Variants in JPH2 observed in about 807,000 individuals in gnomAD.
The protein encoded by JPH2 is junctophilin 2.
Under a neutral mutation model 55.9 loss-of-function variants are expected in JPH2, and 38 were observed. The observed-to-expected ratio is 0.68, with a 90% CI of 0.52 to 0.89. The LOEUF (loss-of-function observed/expected upper bound fraction) is 0.89, where lower values mean the gene tolerates loss of function less well. Among genes scored for constraint, JPH2 ranks in the 40% least tolerant of loss-of-function variants. JPH2 has a pLI of 0.00. For missense variants in JPH2, 964 were observed against 1,037.6 expected (o/e 0.93, Z 0.97); for synonymous variants, 480 against 472.4 (o/e 1.02, Z -0.21).
Position 44,116,030 on chromosome 20 carries a change from G to T in JPH2, c.1645C>A (p.Gln549Lys). 1 of 1,577,796 alleles carries T rather than the reference G, an allele frequency of 6.3e-7. No individual in the cohort carries two copies. Among genetic ancestry groups the T allele is most frequent in the Admixed American group, 1.7e-5 (1 of 57,398 alleles). The change falls in exon 4 of 6, where the codon CAG becomes AAG. Residue 549 changes from glutamine to lysine, a missense_variant. By Grantham distance (53) the Gln-to-Lys change is moderately conservative. Transcript: ENST00000372980. ...ATERMAIEAL[Q>K]APPAPSREPE... ...TCCCGCGACGGCGCAGGCGGTGCCT[G>T]CAGAGCCTCGATGGCCATGCGCTCG...
In JPH2 at chr20:44,165,291, GA is replaced by G. The variant is rs34785471; in HGVS notation, c.380-4885del. Among the ~76,000 whole-genome samples the G allele has an allele frequency of 1.5e-3, 221 of 144,898 alleles. 1 individual carries two copies. Among genetic ancestry groups the G allele is most frequent in the African/African-American group, 5.1e-3 (201 of 39,500 alleles). On this transcript the variant is annotated intron_variant, in intron 1 of 5. Transcript: ENST00000372980. ...AATAAATTGTAAAGAAGCTTTTCAG[GA>G]AAAAAAAAAACAAAAAAAACAACCC...
intron 1 of JPH2, chr20:44,177,893 T>G: frequency 6.3e-7 from 1 of 1,591,762 alleles, no homozygotes; most frequent in East Asian, 2.2e-5. Flanking sequence ...GCATTTCCTA[T>G]GTGCCAGGCA....
At chr20:44,114,507 C>T (rs1423192114) in intron 5 of JPH2, among the ~76,000 whole-genome samples, 2 of 151,928 alleles carry the variant, frequency 1.3e-5, no homozygotes, top group Non-Finnish European at 2.9e-5. Context: ...GTGAATGAAG[C>T]CCTCAGTGCT....
intron 2 of JPH2, among the ~76,000 whole-genome samples, chr20:44,124,243 T>C (rs191008357): frequency 1.1e-4 from 16 of 152,168 alleles, no homozygotes; most frequent in African/African-American, 3.6e-4. Flanking sequence ...CCATAACTGC[T>C]TGGTTGTTTC....
Position 44,124,171 on chromosome 20 carries a change from G to A in JPH2, c.1170-5548C>T, listed in dbSNP as rs78704721. On this transcript the variant is annotated intron_variant, in intron 2 of 5. Coordinates refer to ENST00000372980, the MANE Select transcript of JPH2 (RefSeq NM_020433.5). ...ATAGGAGCAGGGCTCTCACCCAATA[G>A]AGCAACTTCTAAAAGCACCTGCCCC... 4.6e-4 allele frequency among the ~76,000 whole-genome samples: 70 copies of A among 152,224 alleles called. 1 individual carries two copies. The highest frequency in any genetic ancestry group is 1.7e-3 in the African/African-American group (70 of 41,544).
rs1392826320 is a variant in JPH2, at chr20:44,118,512, G to A, written c.1281C>T (p.Tyr427=). Residue 427 remains tyrosine (Y), a synonymous_variant, in exon 3 of 6, where the codon TAC becomes TAT. Coordinates refer to ENST00000372980, the MANE Select transcript of JPH2 (RefSeq NM_020433.5). ...TTCCCTGGCTGGCCCTACCTGGCTG[G>A]TAGAAGTCCGGAGCCAGCTCCCTGG... ...TLARELAPDF[Y]QPGPEYQKRR... 3.1e-6 allele frequency: 5 copies of A among 1,612,312 alleles called. No individual in the cohort carries two copies. The highest frequency in any genetic ancestry group is 1.7e-6 in the Non-Finnish European group (2 of 1,179,588).
At chr20:44,129,180 T>G (rs1230056055) in intron 2 of JPH2, among the ~76,000 whole-genome samples, 2 of 152,132 alleles carry the variant, frequency 1.3e-5, no homozygotes, top group Non-Finnish European at 2.9e-5. Context: ...TCCCCCAGCC[T>G]CCAGCTGGAG....
chr20:44,184,819 G>A (rs1422305576), intron 1 of JPH2, among the ~76,000 whole-genome samples: 2 of 152,158 alleles, frequency 1.3e-5, no homozygotes, highest in Admixed American at 6.5e-5. Flanking sequence ...AAGCTCAGGC[G>A]TCAGCTCCAT....
chr20:44,162,339 A>G (rs141437718), intron 1 of JPH2, among the ~76,000 whole-genome samples: 26 of 152,236 alleles, frequency 1.7e-4, no homozygotes, highest in Non-Finnish European at 2.6e-4. Context: ...TCTTTGCTCA[A>G]TGAGACCTAC....
chr20:44,144,737 C>T (rs553502023), intron 2 of JPH2, among the ~76,000 whole-genome samples: 1 of 152,246 alleles, frequency 6.6e-6, no homozygotes, highest in Non-Finnish European at 1.5e-5. Context: ...GACTGGTTTT[C>T]TCATCTGTGA....
chr20:44,128,893 A>G (rs909432209), intron 2 of JPH2, among the ~76,000 whole-genome samples: 3 of 152,150 alleles, frequency 2.0e-5, no homozygotes, highest in Non-Finnish European at 4.4e-5. Context: ...ACACAGCTGC[A>G]TGACTGTTGG....
At chr20:44,130,842 C>A (rs1182692582) in intron 2 of JPH2, among the ~76,000 whole-genome samples, 1 of 152,124 alleles carries the variant, frequency 6.6e-6, no homozygotes, top group Non-Finnish European at 1.5e-5. Flanking sequence ...GGGGGGCCTC[C>A]ATTTATAACA....
At chr20:44,130,405 T>G (rs1261694783) in intron 2 of JPH2, among the ~76,000 whole-genome samples, 1 of 152,266 alleles carries the variant, frequency 6.6e-6, no homozygotes, top group Non-Finnish European at 1.5e-5. Flanking sequence ...GGGGCTGGGT[T>G]ACCAGCATGT....
chr20:44,172,819 G>T (rs1291356661), intron 1 of JPH2, among the ~76,000 whole-genome samples: 26 of 152,036 alleles, frequency 1.7e-4, no homozygotes, highest in Admixed American at 1.7e-3. Flanking sequence ...GAGCTCTCAG[G>T]TTTCTATTGC....
chr20:44,136,497 C>T (rs1433884082), intron 2 of JPH2, among the ~76,000 whole-genome samples: 8 of 152,140 alleles, frequency 5.3e-5, no homozygotes, highest in Non-Finnish European at 1.0e-4. Context: ...TTGCTGCGCA[C>T]CTACTAGATG....
chr20:44,113,957 T>C (rs2072166381), intron 5 of JPH2, among the ~76,000 whole-genome samples: 1 of 152,194 alleles, frequency 6.6e-6, no homozygotes, highest in Non-Finnish European at 1.5e-5. Flanking sequence ...TAGACTTTCC[T>C]GGGGCTGATT....
In JPH2 at chr20:44,162,787, TACACACACACAC is replaced by T. The variant is rs765198116; in HGVS notation, c.380-2392_380-2381del. 3.0e-3 allele frequency among the ~76,000 whole-genome samples: 123 copies of T among 40,984 alleles called. 1 individual carries two copies. The highest frequency in any genetic ancestry group is 0.014 in the African/African-American group (117 of 8,080). 26.9% of individuals were successfully genotyped at this position (40,984 alleles called of 152,430 possible). On this transcript the variant is annotated intron_variant, in intron 1 of 5. Coordinates refer to ENST00000372980, the MANE Select transcript of JPH2 (RefSeq NM_020433.5). ...ATATATATATATATATATATATATA[TACACACACACAC>T]ACACACACACACACACACACACACA...
chr20:44,115,827 G>A lies in JPH2; in HGVS notation c.1848C>T (p.Arg616=). The A allele has an allele frequency of 2.5e-6, 4 of 1,600,760 alleles. No homozygotes were observed. The highest frequency in any genetic ancestry group is 3.4e-4 in the Middle Eastern group (2 of 5,932). Residue 616 remains arginine, a synonymous_variant, in exon 4 of 6, where the codon CGC becomes CGT. Transcript: ENST00000372980. ...TGGGCTCCAGCTTGGCGGGGGTCTC[G>A]CGTGCAGGCTCGGGGCCTCGGAGCG... ...APTLRGPEPA[R]ETPAKLEPKP...
intron 2 of JPH2, among the ~76,000 whole-genome samples, chr20:44,124,073 A>G (rs1272375657): frequency 2.0e-5 from 3 of 152,206 alleles, no homozygotes; most frequent in Non-Finnish European, 1.5e-5. Context: ...GGGGAGGAAC[A>G]GGGAGACTCT....
Sources: gnomAD v4.1 joint callset for allele counts (sites outside exome capture counted in the v4.1 genomes callset) on GRCh38, gnomAD v4.1.1 for gene constraint, MANE v1.5 for transcripts, NCBI Gene and HGNC (gene_info 2026-07-23, HGNC 2026-07-21) for gene names.